Variants in SLFN11 observed in about 807,000 individuals in gnomAD.
The protein encoded by SLFN11 is schlafen family member 11.
SLFN11 carries 43 observed loss-of-function variants against 53.4 expected under a neutral mutation model. The observed-to-expected ratio is 0.80, with a 90% CI of 0.63 to 1.04. The LOEUF (loss-of-function observed/expected upper bound fraction) is 1.04, where lower values mean the gene tolerates loss of function less well. SLFN11 is among the 50% of genes least tolerant of loss of function. The pLI is 0.00. For synonymous variants in SLFN11, 389 were observed against 394.7 expected (o/e 0.99, Z 0.17); for missense variants, 990 against 1,079.1 (o/e 0.92, Z 1.16).
intron 5 of SLFN11, 63 bp downstream of exon 5, chr17:35,360,180 G>A: frequency 6.6e-7 from 1 of 1,518,740 alleles, no homozygotes; most frequent in Non-Finnish European, 9.0e-7. Context: ...AAATATTATA[G>A]TTTAATCTCC....
At position 35,363,737 on chromosome 17, in the gene SLFN11, A is replaced by C; in HGVS notation, c.71T>G (p.Val24Gly). The part of the protein sequence containing the change: ...YPDLVINVGE[V>G]TLGEENRKKL... Reference sequence around the variant, plus strand: ...TTTTCTGTTTTCTTCTCCAAGAGTCACTTCTCCTACATTGATGACCAGGTC... The same window carrying C: ...TTTTCTGTTTTCTTCTCCAAGAGTCCCTTCTCCTACATTGATGACCAGGTC... The change falls in exon 4 of 7, where the codon GTG becomes GGG. Residue 24 changes from valine (V) to glycine (G), a missense_variant. Physicochemically the swap from Val to Gly is moderately radical, Grantham distance 109 (BLOSUM62 -3). This residue lies in a region of SLFN11 where 521 missense variants were observed against 516.2 expected (regional missense o/e 1.01). Transcript: ENST00000685675. 6.2e-7 allele frequency: 1 copy of C among 1,613,328 alleles called. No homozygotes were observed. Among genetic ancestry groups the C allele is most frequent in the Non-Finnish European group, 8.5e-7 (1 of 1,179,578 alleles).
intron 4 of SLFN11, among the ~76,000 whole-genome samples, chr17:35,360,860 C>T (rs900953116): frequency 2.6e-5 from 4 of 152,132 alleles, no homozygotes; most frequent in African/African-American, 9.7e-5. Flanking sequence ...GCCTCAGCTA[C>T]TCAAGAGACT....
chr17:35,354,157 T>C (rs1390268440), intron 5 of SLFN11, 98 bp from the exon 6 acceptor site: 3 of 1,032,044 alleles, frequency 2.9e-6, no homozygotes, highest in Non-Finnish European at 3.9e-6. Context: ...AAATGATTAC[T>C]TATAGAAGTT....
intron 4 of SLFN11, among the ~76,000 whole-genome samples, chr17:35,361,958 A>T (rs62079548): frequency 0.024 from 3,661 of 151,476 alleles, 65 homozygotes; most frequent in South Asian, 0.052. Flanking sequence ...TTGGTCTTGA[A>T]CTCCTGCTCA....
chr17:35,363,116 AT>A lies in SLFN11; in HGVS notation c.691del (p.Ile231PhefsTer40). ...TGCAAATGCAGGGACGTATTCTGGA[AT>A]TGTCCTTTTTACATATTCTTGGAAG... ...KHFQEYVKRT[I>X]PEYVPAFANT... On this transcript the variant is annotated frameshift_variant, in exon 4 of 7. Transcript: ENST00000685675. LOFTEE classifies it high-confidence loss of function. 1 of 1,613,820 alleles carries A rather than the reference AT, an allele frequency of 6.2e-7. No individual in the cohort carries two copies. The highest frequency in any genetic ancestry group is 8.5e-7 in the Non-Finnish European group (1 of 1,179,926).
In SLFN11 at chr17:35,353,724, C is replaced by A; in HGVS notation, c.1534G>T (p.Ala512Ser). 2 of 1,464,192 alleles carry A rather than the reference C, an allele frequency of 1.4e-6. No individual in the cohort carries two copies. Among genetic ancestry groups the A allele is most frequent in the East Asian group, 2.5e-5 (1 of 40,306 alleles). The allele number at this position is 1,464,192 out of a possible 1,614,324, so 90.7% of individuals were successfully genotyped here. The change falls in exon 6 of 7, where the codon GCC (alanine) becomes TCC (serine). Residue 512 changes from alanine (A) to serine (S), a missense_variant. Ala to Ser is a moderately conservative substitution (Grantham distance 99). Transcript: ENST00000685675. ...GGYTGKVCVRAKVLCLSPESS... is the reference protein window; with the variant it reads ...GGYTGKVCVRSKVLCLSPESS... ...TCAGGACTCAGGCAGAGGACCTTGG[C>A]CCTGACACACACCTTCCCGGTGTAG...
chr17:35,358,232 T>A (rs1022312973), intron 5 of SLFN11, among the ~76,000 whole-genome samples: 5 of 151,304 alleles, frequency 3.3e-5, no homozygotes, highest in African/African-American at 1.2e-4. Context: ...CATTATATGT[T>A]ATATTAAAGA....
chr17:35,368,513 A>C (rs527351047), intron 1 of SLFN11, among the ~76,000 whole-genome samples: 1 of 152,232 alleles, frequency 6.6e-6, no homozygotes, highest in East Asian at 1.9e-4. Context: ...AAGCCTCGCC[A>C]CTGTAGCTGA....
At position 35,371,455 on chromosome 17, in the gene SLFN11, G is replaced by A. The variant is rs374649328; in HGVS notation, c.-235+2019C>T. On this transcript the variant is annotated intron_variant, in intron 1 of 6. Transcript: ENST00000685675. Reference sequence around the variant, plus strand: ...TACCCCACAAGCACAGGCAACTAAAGCAAAAATGGACAAATGGGATCACAT... The same window carrying A: ...TACCCCACAAGCACAGGCAACTAAAACAAAAATGGACAAATGGGATCACAT... Among the ~76,000 whole-genome samples the A allele has an allele frequency of 3.9e-4, 59 of 152,098 alleles. 1 individual carries two copies. The South Asian group carries it at 0.012, about 30-fold the overall frequency.
chr17:35,363,756 C>T lies in SLFN11; in HGVS notation c.52G>A (p.Val18Ile). The T allele has an allele frequency of 6.2e-7, 1 of 1,611,182 alleles. No individual in the cohort carries two copies. ...AGAGTCACTTCTCCTACATTGATGACCAGGTCTGGGTAAGATGGTTCCACA... is the reference window on the plus strand; with the variant it reads ...AGAGTCACTTCTCCTACATTGATGATCAGGTCTGGGTAAGATGGTTCCACA... ...LVVEPSYPDL[V>I]INVGEVTLGE... Residue 18 changes from valine (V) to isoleucine (I), a missense_variant, in exon 4 of 7, where the codon GTC (valine) becomes ATC (isoleucine). Val to Ile is a conservative substitution (Grantham distance 29, BLOSUM62 3). Around this residue, in one of 3 missense-constraint regions of SLFN11, gnomAD observed 521 missense variants for 516.2 expected, o/e 1.01. Coordinates refer to ENST00000685675, the MANE Select transcript of SLFN11 (RefSeq NM_001376007.1).
In SLFN11 at chr17:35,360,231, A is replaced by G; in HGVS notation, c.1198+12T>C. On this transcript the variant is annotated intron_variant, in intron 5 of 6. Coordinates refer to ENST00000685675, the MANE Select transcript of SLFN11 (RefSeq NM_001376007.1). ...GAAACTGGCTGGTGTTGAGAAGACA[A>G]ACCATAATTACCTGAAAATAAAAGT... 1.2e-6 allele frequency: 2 copies of G among 1,607,674 alleles called. No homozygotes were observed. The highest frequency in any genetic ancestry group is 1.7e-6 in the Non-Finnish European group (2 of 1,178,036).
chr17:35,370,123 A>T (rs1909464915), intron 1 of SLFN11, among the ~76,000 whole-genome samples: 1 of 152,166 alleles, frequency 6.6e-6, no homozygotes, highest in African/African-American at 2.4e-5. Context: ...CATTAAAAAG[A>T]TCATTTATCA....
chr17:35,351,246 G>C lies in SLFN11; in HGVS notation c.*1110C>G, dbSNP rs1047332580. The stretch of plus-strand genomic sequence containing the variant: ...AGGGAGGGAGGGAACAAGCTCTCTG[G>C]GGTCTCTCCCTATAAGGACACCAAC... On this transcript the variant is annotated 3_prime_UTR_variant, in exon 7 of 7. Coordinates refer to ENST00000685675, the MANE Select transcript of SLFN11 (RefSeq NM_001376007.1). 6.6e-6 allele frequency: 1 copy of C among 152,102 alleles called. No homozygotes were observed. Among genetic ancestry groups the C allele is most frequent in the Non-Finnish European group, 1.5e-5 (1 of 68,026 alleles). The allele number at this position is 152,102 out of a possible 1,614,324, so 9.4% of individuals were successfully genotyped here. A position where few individuals can be genotyped will look rare whatever the true frequency, so the allele number is the denominator to read the frequency against.
At position 35,363,617 on chromosome 17, in the gene SLFN11, G is replaced by A. The variant is rs375903711; in HGVS notation, c.191C>T (p.Ala64Val). The change falls in exon 4 of 7, where the codon GCC becomes GTC. Residue 64 changes from alanine (A) to valine (V), a missense_variant. By Grantham distance (64) the Ala-to-Val change is moderately conservative. This residue lies in a region of SLFN11 where 521 missense variants were observed against 516.2 expected (regional missense o/e 1.01). Transcript: ENST00000685675. ...CTCCACGGGATGCTCAACCTTCTTG[G>A]CCATTCGAATCACTCCTCCTCCTGA... is the stretch of plus-strand genomic sequence containing the variant. ...LNSGGGVIRM[A>V]KKVEHPVEMG... is the part of the protein sequence containing the mutation. The A allele has an allele frequency of 1.4e-5, 22 of 1,613,634 alleles. No individual in the cohort carries two copies. The highest frequency in any genetic ancestry group is 2.2e-5 in the East Asian group (1 of 44,898).
chr17:35,370,788 C>T (rs1909551655), intron 1 of SLFN11, among the ~76,000 whole-genome samples: 1 of 151,770 alleles, frequency 6.6e-6, no homozygotes, highest in Admixed American at 6.6e-5. Context: ...ACAATAAAAA[C>T]TATAAAATCA....
intron 1 of SLFN11, among the ~76,000 whole-genome samples, chr17:35,371,547 G>T (rs1909659620): frequency 1.3e-5 from 2 of 152,010 alleles, no homozygotes; most frequent in African/African-American, 2.4e-5. Context: ...CCACAAAATG[G>T]GAGGAAATAT....
At chr17:35,370,307 A>C (rs1909487431) in intron 1 of SLFN11, among the ~76,000 whole-genome samples, 1 of 152,144 alleles carries the variant, frequency 6.6e-6, no homozygotes, top group African/African-American at 2.4e-5. Context: ...TCCTCAAAAA[A>C]CTGGGTATAG....
At chr17:35,372,092 T>C (rs1445423190) in intron 1 of SLFN11, among the ~76,000 whole-genome samples, 2 of 152,080 alleles carry the variant, frequency 1.3e-5, no homozygotes, top group African/African-American at 4.8e-5. Context: ...AGCAGATGAA[T>C]GGATAAAGAA....
rs147987308 is a variant in SLFN11, at chr17:35,363,753, T to A, written c.55A>T (p.Ile19Phe). Reference sequence around the variant, plus strand: ...CCAAGAGTCACTTCTCCTACATTGATGACCAGGTCTGGGTAAGATGGTTCC... The same window carrying A: ...CCAAGAGTCACTTCTCCTACATTGAAGACCAGGTCTGGGTAAGATGGTTCC... ...VVEPSYPDLV[I>F]NVGEVTLGEE... Residue 19 changes from isoleucine (I) to phenylalanine (F), a missense_variant, in exon 4 of 7, where the codon ATC becomes TTC. By Grantham distance (21) the Ile-to-Phe change is conservative (BLOSUM62 0). Transcript: ENST00000685675. 9.3e-6 allele frequency: 15 copies of A among 1,611,610 alleles called. No homozygotes were observed. The African/African-American group carries it at 1.5e-4, about 16-fold the overall frequency.
Sources: allele counts gnomAD v4.1 joint callset (sites outside exome capture counted in the v4.1 genomes callset), GRCh38; gene constraint gnomAD v4.1.1; regional missense constraint gnomAD v4.1.1; transcripts MANE v1.5; gene names NCBI Gene and HGNC (gene_info 2026-07-23, HGNC 2026-07-21).